The following TAS2R1 variants were observed in gnomAD, a reference collection of about 807,000 sequenced individuals.
The protein encoded by TAS2R1 is taste 2 receptor member 1.
For synonymous variants in TAS2R1, 141 were observed against 134.2 expected, an observed-to-expected ratio of 1.05 and a Z score of -0.35; for missense variants, 370 against 353.4, an observed-to-expected ratio of 1.05 and a Z score of -0.38.
the TAS2R1 span, among the ~76,000 whole-genome samples, chr5:9,719,218 A>G: frequency 6.6e-6 from 1 of 152,182 alleles, no homozygotes. Context: ...CTTATCTGCA[A>G]ATGATTCGAA....
the TAS2R1 span, among the ~76,000 whole-genome samples, chr5:9,838,087 C>T: frequency 0.11 from 17,071 of 152,204 alleles, 1,018 homozygotes; most frequent in Non-Finnish European, 0.13. Flanking sequence ...GACAACCCCC[C>T]CAGGGCAGGA....
At chr5:9,681,702 T>G (rs567185853) in intron 1 of TAS2R1, among the ~76,000 whole-genome samples, 1 of 152,240 alleles carries the variant, frequency 6.6e-6, no homozygotes, top group East Asian at 1.9e-4. Context: ...TATAATGGAT[T>G]GATTGGGAAC....
the TAS2R1 span, among the ~76,000 whole-genome samples, chr5:9,843,638 G>A: frequency 3.9e-4 from 59 of 152,276 alleles, no homozygotes; most frequent in African/African-American, 1.3e-3. Context: ...GGTAAACCAC[G>A]AAAAATATAA....
At chr5:9,639,412 T>C (rs938657584) in intron 2 of TAS2R1, among the ~76,000 whole-genome samples, 5 of 152,254 alleles carry the variant, frequency 3.3e-5, no homozygotes, top group Non-Finnish European at 7.3e-5. Flanking sequence ...CCAGTGGGTA[T>C]GTGTGTTCAA....
chr5:9,630,407 T>C (rs1432231532), upstream of TAS2R1: 1 of 175,220 alleles, frequency 5.7e-6, no homozygotes, highest in Admixed American at 6.1e-5. Context: ...CTACTATGAA[T>C]AATTGATTTT....
At chr5:9,742,181 G>T in the TAS2R1 span, among the ~76,000 whole-genome samples, 1 of 152,158 alleles carries the variant, frequency 6.6e-6, no homozygotes, top group African/African-American at 2.4e-5. Context: ...CACCACGTCT[G>T]GCCTGCACAA....
At chr5:9,896,840 G>T in the TAS2R1 span, among the ~76,000 whole-genome samples, 4 of 152,132 alleles carry the variant, frequency 2.6e-5, no homozygotes, top group African/African-American at 4.8e-5. Flanking sequence ...AGCAGGACTT[G>T]CTAAATGCAC....
At chr5:9,854,984 T>C in the TAS2R1 span, among the ~76,000 whole-genome samples, 4 of 152,222 alleles carry the variant, frequency 2.6e-5, no homozygotes, top group Non-Finnish European at 5.9e-5. Flanking sequence ...ATTCATTCCA[T>C]TCAAAGGATA....
intron 2 of TAS2R1, among the ~76,000 whole-genome samples, chr5:9,652,949 C>T (rs1740335494): frequency 6.6e-6 from 1 of 152,124 alleles, no homozygotes; most frequent in Non-Finnish European, 1.5e-5. Flanking sequence ...TGGGTACATT[C>T]ACATTTTAGT....
At chr5:9,815,572 G>A in the TAS2R1 span, among the ~76,000 whole-genome samples, 1 of 152,024 alleles carries the variant, frequency 6.6e-6, no homozygotes, top group African/African-American at 2.4e-5. Context: ...GGTCCCAAGA[G>A]AAAGACTTCC....
chr5:9,723,957 G>A, the TAS2R1 span, among the ~76,000 whole-genome samples: 13 of 152,304 alleles, frequency 8.5e-5, no homozygotes, highest in East Asian at 2.3e-3. Context: ...GGATGACCCT[G>A]TGACCTATGA....
At chr5:9,858,051 G>C in the TAS2R1 span, among the ~76,000 whole-genome samples, 1 of 152,024 alleles carries the variant, frequency 6.6e-6, no homozygotes, top group Non-Finnish European at 1.5e-5. Context: ...GGGTGGTCTG[G>C]AGCCTAGGGC....
the TAS2R1 span, among the ~76,000 whole-genome samples, chr5:9,827,718 G>C: frequency 6.6e-6 from 1 of 152,174 alleles, no homozygotes; most frequent in Non-Finnish European, 1.5e-5. Context: ...GGAAGGTTGA[G>C]GCTACAGTGA....
the TAS2R1 span, among the ~76,000 whole-genome samples, chr5:9,807,546 T>C: frequency 6.6e-6 from 1 of 152,116 alleles, no homozygotes; most frequent in South Asian, 2.1e-4. Context: ...TTGGTATATC[T>C]ACATACCATG....
the TAS2R1 span, among the ~76,000 whole-genome samples, chr5:9,814,926 G>C: frequency 1.3e-5 from 2 of 152,160 alleles, no homozygotes; most frequent in Non-Finnish European, 2.9e-5. Flanking sequence ...TCTGCAATCT[G>C]TCAGGATATT....
chr5:9,861,654 A>C, the TAS2R1 span, among the ~76,000 whole-genome samples: 1 of 152,292 alleles, frequency 6.6e-6, no homozygotes, highest in South Asian at 2.1e-4. Flanking sequence ...TGCTTGTTCT[A>C]AGGAATATGT....
the TAS2R1 span, among the ~76,000 whole-genome samples, chr5:9,862,200 T>TA: frequency 0.62 from 93,236 of 149,982 alleles, 28,723 homozygotes; most frequent in East Asian, 0.69. Context: ...ACGTTAAGTT[T>TA]AAAAAAAAAA....
At chr5:9,901,492 T>C in the TAS2R1 span, among the ~76,000 whole-genome samples, 1 of 151,978 alleles carries the variant, frequency 6.6e-6, no homozygotes, top group African/African-American at 2.4e-5. Flanking sequence ...GAAAAAAATA[T>C]TGAAAGAATT....
intron 2 of TAS2R1, among the ~76,000 whole-genome samples, chr5:9,652,641 T>G (rs1490910481): frequency 2.0e-5 from 3 of 152,174 alleles, no homozygotes; most frequent in Non-Finnish European, 4.4e-5. Context: ...ATTAATCCAT[T>G]CAAATTCAGG....
Sources: gnomAD v4.1 joint callset for allele counts (sites outside exome capture counted in the v4.1 genomes callset) on GRCh38, gnomAD v4.1.1 for gene constraint, MANE v1.5 for transcripts, NCBI Gene and HGNC (gene_info 2026-07-23, HGNC 2026-07-21) for gene names.